Variants in PRIMPOL observed in about 807,000 individuals in gnomAD.
PRIMPOL encodes DNA-directed primase/polymerase protein.
In PRIMPOL, 54 loss-of-function variants were observed where a neutral mutation model predicts 63.6. The observed-to-expected ratio is 0.85, with a 90% CI of 0.68 to 1.07. The LOEUF is 1.07. PRIMPOL is among the 50% of genes least tolerant of loss of function. PRIMPOL has a pLI of 0.00. For synonymous variants in PRIMPOL, 197 were observed against 220.2 expected, an observed-to-expected ratio of 0.89 and a Z score of 0.93; for missense variants, 610 against 648.3, an observed-to-expected ratio of 0.94 and a Z score of 0.64.
chr4:184,667,592 G>A (rs1237984187), intron 6 of PRIMPOL, among the ~76,000 whole-genome samples: 3 of 152,160 alleles, frequency 2.0e-5, no homozygotes, highest in Non-Finnish European at 2.9e-5. Flanking sequence ...TTACAGGCGT[G>A]AGCCACCGTG....
At chr4:184,687,726 G>C (rs1041480940) in intron 11 of PRIMPOL, among the ~76,000 whole-genome samples, 1 of 151,900 alleles carries the variant, frequency 6.6e-6, no homozygotes, top group African/African-American at 2.4e-5. Flanking sequence ...GCAATTCTCC[G>C]GCCTCAGCCT....
chr4:184,660,396 C>T (rs931299296), intron 4 of PRIMPOL, among the ~76,000 whole-genome samples: 1 of 151,202 alleles, frequency 6.6e-6, no homozygotes, highest in Non-Finnish European at 1.5e-5. Context: ...GGTCAGGCTG[C>T]TCTCGAGCTC....
intron 11 of PRIMPOL, among the ~76,000 whole-genome samples, chr4:184,687,636 C>G (rs771162216): frequency 6.6e-6 from 1 of 152,070 alleles, no homozygotes; most frequent in South Asian, 2.1e-4. Flanking sequence ...TTTTTTGAGA[C>G]AGAGTTTTGC....
At chr4:184,691,769 T>C (rs1561099912) in intron 13 of PRIMPOL, 57 bp downstream of exon 13, 19 of 1,339,628 alleles carry the variant, frequency 1.4e-5, no homozygotes, top group Middle Eastern at 1.9e-4. Context: ...TACAATAGTA[T>C]ACCTGAGCCA....
intron 13 of PRIMPOL, among the ~76,000 whole-genome samples, chr4:184,693,658 A>G (rs1209550783): frequency 6.6e-6 from 1 of 152,186 alleles, no homozygotes; most frequent in Non-Finnish European, 1.5e-5. Context: ...ACAGAAATGT[A>G]CAAGAATAAG....
intron 3 of PRIMPOL, among the ~76,000 whole-genome samples, chr4:184,658,945 A>G (rs1011398079): frequency 1.3e-5 from 2 of 150,432 alleles, no homozygotes; most frequent in Non-Finnish European, 3.0e-5. Flanking sequence ...ACATTTTTTT[A>G]TGTACTGGGG....
rs764417543 is a variant in PRIMPOL, at chr4:184,694,776, GTAAC to G, written c.*1_*4del. The G allele has an allele frequency of 4.0e-5, 65 of 1,605,732 alleles. No homozygotes were observed. The highest frequency in any genetic ancestry group is 5.4e-5 in the Non-Finnish European group (63 of 1,172,944). On this transcript the variant is annotated stop_retained_variant and 3_prime_UTR_variant, in exon 14 of 14. Coordinates refer to ENST00000314970, the MANE Select transcript of PRIMPOL (RefSeq NM_152683.4). ...AACTAATTATAGAAGTATTACAAGA[GTAAC>G]TAATTCACTATGAACACTTTTGTCA...
At chr4:184,681,544 A>G (rs1561054737) in intron 8 of PRIMPOL, among the ~76,000 whole-genome samples, 1 of 151,690 alleles carries the variant, frequency 6.6e-6, no homozygotes. Context: ...TATTTTTATT[A>G]TTTTTATTGT....
intron 5 of PRIMPOL, 90 bp from the exon 6 acceptor site, chr4:184,665,827 C>A: frequency 1.2e-6 from 1 of 820,290 alleles, no homozygotes; most frequent in Non-Finnish European, 1.8e-6. Flanking sequence ...CTTTTTAACT[C>A]ATAGATGATA....
chr4:184,678,979 T>C (rs547538465), intron 8 of PRIMPOL, among the ~76,000 whole-genome samples: 3 of 152,304 alleles, frequency 2.0e-5, no homozygotes, highest in Non-Finnish European at 4.4e-5. Context: ...TTATCACTTC[T>C]GTAAAGAAGA....
intron 8 of PRIMPOL, among the ~76,000 whole-genome samples, chr4:184,678,992 A>G (rs1206978969): frequency 6.6e-6 from 1 of 151,408 alleles, no homozygotes; most frequent in Non-Finnish European, 1.5e-5. Flanking sequence ...AAAGAAGAAA[A>G]CAATACTACT....
At chr4:184,665,378 G>A (rs1749564902) in intron 5 of PRIMPOL, among the ~76,000 whole-genome samples, 1 of 151,842 alleles carries the variant, frequency 6.6e-6, no homozygotes, top group African/African-American at 2.4e-5. Context: ...CCTTTCTATT[G>A]TGCATGGCCT....
chr4:184,678,664 A>G (rs56380740), intron 8 of PRIMPOL, among the ~76,000 whole-genome samples: 15,006 of 151,470 alleles, frequency 0.099, 914 homozygotes, highest in Middle Eastern at 0.16. Context: ...AGTAGCTGGG[A>G]CTACAGGCGC....
intron 2 of PRIMPOL, among the ~76,000 whole-genome samples, chr4:184,654,091 C>T (rs1207159141): frequency 6.6e-6 from 1 of 152,164 alleles, no homozygotes; most frequent in East Asian, 1.9e-4. Context: ...TTCATTGTGA[C>T]TCCATGATGT....
chr4:184,672,451 G>A lies in PRIMPOL; in HGVS notation c.835G>A (p.Val279Ile), dbSNP rs769392440. The change falls in exon 7 of 14, where the codon GTA (valine) becomes ATA (isoleucine). Residue 279 changes from valine to isoleucine, a missense_variant. By Grantham distance (29) the Val-to-Ile change is conservative. Transcript: ENST00000314970. The stretch of plus-strand genomic sequence containing the variant: ...TAACATGGGAGAGAAGCATCTTTTT[G>A]TAGATCTCGGTAAGTAAGATTGACA... ...KNNMGEKHLF[V>I]DLGVYTRNRN... is the part of the protein sequence containing the mutation. 10 of 1,603,950 alleles carry A rather than the reference G, an allele frequency of 6.2e-6. No homozygotes were observed. In the South Asian group the frequency reaches 7.9e-5, roughly 13 times the overall value.
intron 6 of PRIMPOL, among the ~76,000 whole-genome samples, chr4:184,667,414 G>C (rs539552569): frequency 0.019 from 2,893 of 151,666 alleles, 98 homozygotes; most frequent in African/African-American, 0.065. Context: ...GGGTTCAAGC[G>C]ATTCTCCTGC....
Position 184,671,908 on chromosome 4 carries a change from T to G in PRIMPOL, c.557-265T>G, listed in dbSNP as rs187739017. ...CAGGCGCACCACCACGCCCTGCTAA[T>G]TTTTTGTATTTTTAGTAGAGACGGG... On this transcript the variant is annotated intron_variant, in intron 6 of 13. Transcript: ENST00000314970. Among the ~76,000 whole-genome samples the G allele has an allele frequency of 5.0e-3, 763 of 151,422 alleles. 6 individuals are homozygous for G. Among genetic ancestry groups the G allele is most frequent in the Non-Finnish European group, 7.7e-3 (525 of 67,864 alleles).
At chr4:184,681,222 C>A (rs1755533360) in intron 8 of PRIMPOL, among the ~76,000 whole-genome samples, 1 of 152,048 alleles carries the variant, frequency 6.6e-6, no homozygotes, top group South Asian at 2.1e-4. Flanking sequence ...TGTTTTTCCC[C>A]TTTGCTCTCA....
chr4:184,692,703 A>AAAT (rs1759122658), intron 13 of PRIMPOL, among the ~76,000 whole-genome samples: 1 of 151,964 alleles, frequency 6.6e-6, no homozygotes, highest in South Asian at 2.1e-4. Context: ...ACCTATTATC[A>AAAT]AATTGCTCTC....
Sources: gnomAD v4.1 joint callset for allele counts (sites outside exome capture counted in the v4.1 genomes callset) on GRCh38, gnomAD v4.1.1 for gene constraint, MANE v1.5 for transcripts, NCBI Gene and HGNC (gene_info 2026-07-23, HGNC 2026-07-21) for gene names.